The following KAZN variants were observed in gnomAD, a reference collection of about 807,000 sequenced individuals.
KAZN encodes the protein kazrin.
KAZN carries 40 observed loss-of-function variants against 87.4 expected under a neutral mutation model. The observed-to-expected ratio is 0.46, with a 90% confidence interval of 0.36 to 0.60. The LOEUF is 0.60. Among genes scored for constraint, KAZN ranks in the 20% least tolerant of loss-of-function variants. The probability of loss-of-function intolerance (pLI) is 0.00; values close to 1 mark genes in which losing one functional copy is unlikely to be tolerated. For missense variants in KAZN, 898 were observed against 1,073.9 expected (o/e 0.84, Z 2.29); for synonymous variants, 466 against 458.3 (o/e 1.02, Z -0.22).
At chr1:14,241,217 C>T (rs542505067) in intron 2 of KAZN, among the ~76,000 whole-genome samples, 1 of 152,338 alleles carries the variant, frequency 6.6e-6, no homozygotes, top group East Asian at 1.9e-4. Flanking sequence ...CAGAAAGCTA[C>T]ACCTGAGAGG....
At chr1:14,971,681 CTTT>C (rs1009399616) in intron 2 of KAZN, among the ~76,000 whole-genome samples, 155 of 104,824 alleles carry the variant, frequency 1.5e-3, no homozygotes, top group African/African-American at 5.1e-3. Flanking sequence ...TTTTCTTTTT[CTTT>C]TTTTTTTTTT....
In KAZN at chr1:15,056,215, C is replaced by T. The variant is rs1638263485; in HGVS notation, c.851C>T (p.Ala284Val). 1 of 1,614,126 alleles carries T rather than the reference C, an allele frequency of 6.2e-7. No individual in the cohort carries two copies. The highest frequency in any genetic ancestry group is 8.5e-7 in the Non-Finnish European group (1 of 1,180,002). Reference sequence around the variant, plus strand: ...GTGCAGGCGGACCTCCCGCTGACCGCAGCCATCCGGCAGAGTCAACAGACT... The same window carrying T: ...GTGCAGGCGGACCTCCCGCTGACCGTAGCCATCCGGCAGAGTCAACAGACT... The part of the protein sequence containing the change: ...WVVQADLPLT[A>V]AIRQSQQTLY... The change falls in exon 5 of 15, where the codon GCA becomes GTA. Residue 284 changes from alanine to valine, a missense_variant. Ala to Val is a moderately conservative substitution (Grantham distance 64). Coordinates refer to ENST00000376030, the MANE Select transcript of KAZN (RefSeq NM_201628.3). The surrounding 1 kb of genome is among the most constrained non-coding windows in gnomAD (Gnocchi z 5.4).
chr1:14,614,868 C>T (rs945434995), intron 1 of KAZN, among the ~76,000 whole-genome samples: 28 of 152,212 alleles, frequency 1.8e-4, no homozygotes, highest in Non-Finnish European at 3.5e-4. Flanking sequence ...TCTCTGGAGT[C>T]CATTGCCAAG....
At chr1:14,914,724 G>A (rs1201736175) in intron 1 of KAZN, among the ~76,000 whole-genome samples, 1 of 152,184 alleles carries the variant, frequency 6.6e-6, no homozygotes, top group African/African-American at 2.4e-5. Context: ...ACAGGTTCTG[G>A]AGCCAGAACT....
intron 1 of KAZN, among the ~76,000 whole-genome samples, chr1:14,112,569 C>T (rs531572573): frequency 6.6e-6 from 1 of 152,278 alleles, no homozygotes; most frequent in East Asian, 1.9e-4. Flanking sequence ...CATTCAGTGT[C>T]GGTGTAGGGG....
chr1:14,629,542 C>T (rs1007142716), intron 1 of KAZN, among the ~76,000 whole-genome samples: 2 of 152,232 alleles, frequency 1.3e-5, no homozygotes, highest in Admixed American at 6.5e-5. Context: ...TGGCCACGCC[C>T]TGCCTCTTCT....
intron 2 of KAZN, among the ~76,000 whole-genome samples, chr1:14,221,145 C>G (rs1355826332): frequency 3.3e-5 from 5 of 152,292 alleles, no homozygotes; most frequent in African/African-American, 1.2e-4. Context: ...CATTCCTTCA[C>G]TAATTCACTT....
chr1:14,464,943 G>A (rs57862252), intron 2 of KAZN, among the ~76,000 whole-genome samples: 10,781 of 152,140 alleles, frequency 0.071, 893 homozygotes, highest in African/African-American at 0.2. Context: ...CCAATACACA[G>A]TGACTTCACA....
chr1:14,766,891 C>T (rs1644898895), intron 1 of KAZN, among the ~76,000 whole-genome samples: 2 of 151,694 alleles, frequency 1.3e-5, no homozygotes, highest in Non-Finnish European at 2.9e-5. Flanking sequence ...CATTCAGTGC[C>T]CTTTAGCTAT....
intron 2 of KAZN, among the ~76,000 whole-genome samples, chr1:14,256,071 T>A (rs1161865629): frequency 6.6e-6 from 1 of 152,234 alleles, no homozygotes; most frequent in Non-Finnish European, 1.5e-5. Flanking sequence ...AATAAAATGA[T>A]TGTTACTCTT....
chr1:14,983,404 C>T (rs1008514660), intron 2 of KAZN, among the ~76,000 whole-genome samples: 76 of 152,128 alleles, frequency 5.0e-4, no homozygotes, highest in African/African-American at 1.7e-3. Context: ...TATCGTTGCT[C>T]GCCTATCAGG....
intron 1 of KAZN, among the ~76,000 whole-genome samples, chr1:14,645,237 T>C (rs1434905770): frequency 6.6e-6 from 1 of 152,204 alleles, no homozygotes; most frequent in Non-Finnish European, 1.5e-5. Flanking sequence ...GGTAACATGA[T>C]GCCTCCAGCT....
chr1:14,506,236 T>C (rs1380205880), intron 2 of KAZN, among the ~76,000 whole-genome samples: 2 of 152,154 alleles, frequency 1.3e-5, no homozygotes, highest in Non-Finnish European at 2.9e-5. Context: ...GAGGACATGT[T>C]TTTTCTTCTT....
chr1:14,984,907 G>A (rs1372100955), intron 2 of KAZN, among the ~76,000 whole-genome samples: 1 of 152,184 alleles, frequency 6.6e-6, no homozygotes, highest in Non-Finnish European at 1.5e-5. Flanking sequence ...GGAGGCCAAG[G>A]CGGGCAGATC....
intron 2 of KAZN, among the ~76,000 whole-genome samples, chr1:14,560,613 T>C (rs1393296892): frequency 6.6e-6 from 1 of 151,984 alleles, no homozygotes; most frequent in African/African-American, 2.4e-5. Flanking sequence ...ACCTGACAAG[T>C]TGTTGTGAGG....
intron 2 of KAZN, among the ~76,000 whole-genome samples, chr1:15,026,847 T>C (rs997729951): frequency 2.6e-5 from 4 of 152,200 alleles, no homozygotes; most frequent in African/African-American, 9.7e-5. Flanking sequence ...TAAAGTATTA[T>C]AGGTAATTTA....
intron 1 of KAZN, among the ~76,000 whole-genome samples, chr1:13,973,343 C>A (rs1216166245): frequency 6.6e-6 from 1 of 152,164 alleles, no homozygotes; most frequent in Non-Finnish European, 1.5e-5. Context: ...GAGGCTGACC[C>A]CTGTGGACCT....
chr1:13,899,957 T>G (rs1159957107), intron 1 of KAZN, among the ~76,000 whole-genome samples: 1 of 152,124 alleles, frequency 6.6e-6, no homozygotes, highest in Non-Finnish European at 1.5e-5. Context: ...CCTTATATGG[T>G]GCTGACAATG....
At chr1:13,926,985 T>C (rs1313272300) in intron 1 of KAZN, among the ~76,000 whole-genome samples, 2 of 152,184 alleles carry the variant, frequency 1.3e-5, no homozygotes, top group African/African-American at 4.8e-5. Context: ...GTGCCTAAAA[T>C]CCCATGTCAC....
Sources: allele counts gnomAD v4.1 joint callset (sites outside exome capture counted in the v4.1 genomes callset), GRCh38; gene constraint gnomAD v4.1.1; non-coding constraint Gnocchi (gnomAD v3.1); transcripts MANE v1.5; gene names NCBI Gene and HGNC (gene_info 2026-07-23, HGNC 2026-07-21).